Variants in PTPRN2 observed in about 807,000 individuals in gnomAD.
PTPRN2 encodes the protein protein tyrosine phosphatase receptor type N2.
In PTPRN2, 74 loss-of-function variants were observed where a neutral mutation model predicts 118.8. The ratio of observed to expected loss-of-function variants is 0.62; its 90% CI spans 0.52 to 0.76. The LOEUF is 0.76. PTPRN2 is among the 30% of genes least tolerant of loss of function. The probability of loss-of-function intolerance (pLI) is 0.00; values close to 1 mark genes in which losing one functional copy is unlikely to be tolerated. For missense variants in PTPRN2, 1,481 were observed against 1,394.4 expected, an observed-to-expected ratio of 1.06 and a Z score of -0.99; for synonymous variants, 641 against 608.0, an observed-to-expected ratio of 1.05 and a Z score of -0.80.
At chr7:157,911,534 T>G (rs1227917463) in intron 11 of PTPRN2, among the ~76,000 whole-genome samples, 3 of 152,112 alleles carry the variant, frequency 2.0e-5, no homozygotes, top group Non-Finnish European at 2.9e-5. Context: ...AATTTGTAAT[T>G]CAAAAATATT....
intron 11 of PTPRN2, among the ~76,000 whole-genome samples, chr7:158,071,363 G>T (rs1446884857): frequency 2.7e-5 from 3 of 112,776 alleles, no homozygotes; most frequent in Non-Finnish European, 3.7e-5. Flanking sequence ...TGGTGGAGGT[G>T]CTCATGGTGG....
intron 10 of PTPRN2, among the ~76,000 whole-genome samples, chr7:158,085,329 T>TGAC (rs1813246858): frequency 2.4e-5 from 2 of 83,226 alleles, no homozygotes; most frequent in Admixed American, 1.4e-4. Context: ...CATTCACACA[T>TGAC]GCCCATCCAC....
chr7:158,394,092 C>T (rs1374933684), intron 2 of PTPRN2, among the ~76,000 whole-genome samples: 3 of 150,458 alleles, frequency 2.0e-5, no homozygotes, highest in Non-Finnish European at 3.0e-5. Context: ...GATGCCTGGA[C>T]CCTTCTCTCC....
At chr7:157,894,558 A>C (rs111989567) in intron 12 of PTPRN2, among the ~76,000 whole-genome samples, 45 of 79,208 alleles carry the variant, frequency 5.7e-4, no homozygotes, top group African/African-American at 2.5e-3. Context: ...TTCCTGTGGA[A>C]GCTGAGAGCT....
At chr7:158,490,165 C>T (rs913453448) in intron 1 of PTPRN2, among the ~76,000 whole-genome samples, 3 of 152,192 alleles carry the variant, frequency 2.0e-5, no homozygotes, top group Non-Finnish European at 1.5e-5. Context: ...CCGCACGCAC[C>T]GCGTCCCTGG....
intron 10 of PTPRN2, among the ~76,000 whole-genome samples, chr7:158,106,310 T>C (rs79784062): frequency 1.1e-3 from 167 of 152,234 alleles, no homozygotes; most frequent in African/African-American, 3.7e-3. Flanking sequence ...ACAAGTGGCA[T>C]CTCCAGCTCC....
chr7:157,774,631 A>G (rs1638746), intron 12 of PTPRN2, among the ~76,000 whole-genome samples: 56,819 of 152,140 alleles, frequency 0.37, 12,840 homozygotes, highest in African/African-American at 0.63. Context: ...AAGTGGGCTC[A>G]GGGCTCAGAG....
chr7:157,909,685 A>G (rs1455685469), intron 11 of PTPRN2, among the ~76,000 whole-genome samples: 2 of 152,158 alleles, frequency 1.3e-5, no homozygotes, highest in Admixed American at 1.3e-4. Context: ...TTCTCACCCA[A>G]CATCGGGCCC....
chr7:158,332,827 C>A (rs1486920521), intron 2 of PTPRN2, among the ~76,000 whole-genome samples: 105 of 151,380 alleles, frequency 6.9e-4, no homozygotes, highest in Middle Eastern at 6.8e-3. Context: ...ACACTTCTCA[C>A]CATAAGAGGT....
chr7:157,687,973 T>A (rs1797277211), intron 12 of PTPRN2, among the ~76,000 whole-genome samples: 1 of 152,218 alleles, frequency 6.6e-6, no homozygotes, highest in Non-Finnish European at 1.5e-5. Context: ...CAGAAGCTAT[T>A]ATCAGAGCAA....
intron 3 of PTPRN2, among the ~76,000 whole-genome samples, chr7:158,281,623 C>A (rs1799431892): frequency 6.6e-6 from 1 of 152,154 alleles, no homozygotes; most frequent in South Asian, 2.1e-4. Flanking sequence ...TGGCTTTGCA[C>A]CCCCCTCCTG....
At chr7:157,843,808 G>C (rs995888903) in intron 12 of PTPRN2, among the ~76,000 whole-genome samples, 1 of 152,232 alleles carries the variant, frequency 6.6e-6, no homozygotes, top group African/African-American at 2.4e-5. Flanking sequence ...CAGGACCAAG[G>C]CTTAATGCGT....
At chr7:158,417,664 T>C (rs1466503922) in intron 2 of PTPRN2, among the ~76,000 whole-genome samples, 2 of 149,604 alleles carry the variant, frequency 1.3e-5, no homozygotes, top group East Asian at 4.0e-4. Flanking sequence ...GCTCTCAGTG[T>C]CCCACTGTGT....
intron 2 of PTPRN2, among the ~76,000 whole-genome samples, chr7:158,377,983 C>T (rs902799816): frequency 1.3e-5 from 2 of 152,128 alleles, no homozygotes; most frequent in Non-Finnish European, 2.9e-5. Flanking sequence ...CCAGTCCTGG[C>T]GCTAGCTCCG....
At chr7:157,730,859 G>T (rs1003498318) in intron 12 of PTPRN2, among the ~76,000 whole-genome samples, 1 of 152,134 alleles carries the variant, frequency 6.6e-6, no homozygotes, top group Non-Finnish European at 1.5e-5. Context: ...CGTGGCTCCC[G>T]CCAGGGACCT....
rs146556633 is a variant in PTPRN2, at chr7:158,133,895, G to A, written c.1338C>T (p.Asn446=). The change falls in exon 9 of 23, where the codon AAC becomes AAT. Residue 446 remains asparagine, a synonymous_variant. Transcript: ENST00000389418. The part of the protein sequence containing the change: ...SSEEETAGVE[N]VKSQTYSKDL... ...CTTTGGAATACGTCTGGCTCTTGAC[G>A]TTCTCCACTCCGGCAGTCTCCTCTT... 114 of 1,613,902 alleles carry A rather than the reference G, an allele frequency of 7.1e-5. No homozygotes were observed. Among genetic ancestry groups the A allele is most frequent in the Middle Eastern group, 1.6e-4 (1 of 6,062 alleles).
At chr7:158,230,043 C>A (rs937212881) in intron 3 of PTPRN2, among the ~76,000 whole-genome samples, 2 of 152,122 alleles carry the variant, frequency 1.3e-5, no homozygotes, top group Non-Finnish European at 2.9e-5. Context: ...TGTCTGGCAA[C>A]CAACTACTCA....
chr7:158,128,608 G>T (rs2150414502), intron 9 of PTPRN2, among the ~76,000 whole-genome samples: 1 of 152,306 alleles, frequency 6.6e-6, no homozygotes, highest in South Asian at 2.1e-4. Context: ...CGAGGCTGCT[G>T]CAGACAGGGG....
chr7:158,131,444 CTG>C (rs760625319), intron 9 of PTPRN2, among the ~76,000 whole-genome samples: 8 of 146,760 alleles, frequency 5.5e-5, no homozygotes, highest in South Asian at 2.2e-4. Flanking sequence ...AACATACAAA[CTG>C]AAACACATCT....
Sources: allele counts gnomAD v4.1 joint callset (sites outside exome capture counted in the v4.1 genomes callset), GRCh38; gene constraint gnomAD v4.1.1; transcripts MANE v1.5; gene names NCBI Gene and HGNC (gene_info 2026-07-23, HGNC 2026-07-21).